The following ZMYND11 variants were observed in gnomAD, a reference collection of about 807,000 sequenced individuals.
The protein encoded by ZMYND11 is zinc finger MYND-type containing 11, also known as zinc finger MYND domain-containing protein 11.
A neutral mutation model predicts 84.9 loss-of-function variants in ZMYND11; 9 were observed. The ratio of observed to expected loss-of-function variants is 0.11; its 90% CI spans 0.06 to 0.18. The LOEUF (loss-of-function observed/expected upper bound fraction) is 0.18, where lower values mean the gene tolerates loss of function less well. Ranked by LOEUF, ZMYND11 falls within the 10% of genes least tolerant of loss-of-function variation. The pLI, the probability that ZMYND11 is intolerant of heterozygous loss-of-function variation, is 1.00. For synonymous variants in ZMYND11, 250 were observed against 244.1 expected (o/e 1.02, Z -0.23); for missense variants, 409 against 761.0 (o/e 0.54, Z 5.44).
At chr10:161,777 G>A (rs984954053) in intron 1 of ZMYND11, among the ~76,000 whole-genome samples, 1 of 152,138 alleles carries the variant, frequency 6.6e-6, no homozygotes, top group Non-Finnish European at 1.5e-5. Flanking sequence ...AAGAGAGTTA[G>A]GTCCTTGTTC....
chr10:160,467 G>C (rs560186130), intron 1 of ZMYND11, among the ~76,000 whole-genome samples: 2 of 152,246 alleles, frequency 1.3e-5, no homozygotes, highest in South Asian at 4.1e-4. Context: ...GTCTGTGGCA[G>C]TTCCTTAAAA....
intron 1 of ZMYND11, among the ~76,000 whole-genome samples, chr10:158,139 G>A (rs1842117540): frequency 6.6e-6 from 1 of 152,018 alleles, no homozygotes; most frequent in South Asian, 2.1e-4. Flanking sequence ...TGGACATTTG[G>A]GTTTTTTCCA....
At chr10:133,749 T>C (rs1254843106), upstream of ZMYND11, among the ~76,000 whole-genome samples, 1 of 152,222 alleles carries the variant, frequency 6.6e-6, no homozygotes, top group Non-Finnish European at 1.5e-5. Flanking sequence ...CTTGCTTTTC[T>C]TCTGACACGT....
intron 10 of ZMYND11, among the ~76,000 whole-genome samples, chr10:245,752 A>C (rs1165552188): frequency 6.6e-6 from 1 of 152,234 alleles, no homozygotes; most frequent in Non-Finnish European, 1.5e-5. Flanking sequence ...ATAGCACCCT[A>C]GAGTACCTTT....
At chr10:198,198 G>A (rs1942266086) in intron 2 of ZMYND11, among the ~76,000 whole-genome samples, 1 of 152,052 alleles carries the variant, frequency 6.6e-6, no homozygotes, top group Non-Finnish European at 1.5e-5. Context: ...CAGTAAAAAT[G>A]TTATTTTCCC....
chr10:157,750 A>G (rs1430352661), intron 1 of ZMYND11, among the ~76,000 whole-genome samples: 1 of 152,188 alleles, frequency 6.6e-6, no homozygotes, highest in African/African-American at 2.4e-5. Context: ...TGACTTTTAG[A>G]AAAAGTATAC....
At chr10:197,147 T>C (rs1220697089) in intron 2 of ZMYND11, among the ~76,000 whole-genome samples, 1 of 151,106 alleles carries the variant, frequency 6.6e-6, no homozygotes, top group Non-Finnish European at 1.5e-5. Context: ...TGTATTCATG[T>C]ATGTGTATCA....
At chr10:183,646 T>C (rs1337641658) in intron 2 of ZMYND11, among the ~76,000 whole-genome samples, 1 of 152,262 alleles carries the variant, frequency 6.6e-6, no homozygotes, top group East Asian at 1.9e-4. Context: ...ATTCTCTTTA[T>C]GTATTTAGCA....
chr10:221,987 G>A (rs771213595), intron 4 of ZMYND11, among the ~76,000 whole-genome samples: 4 of 152,062 alleles, frequency 2.6e-5, no homozygotes, highest in Non-Finnish European at 5.9e-5. Flanking sequence ...GTGATTGTTA[G>A]TTGCAGAATG....
chr10:134,128 C>T (rs1185533180), upstream of ZMYND11, among the ~76,000 whole-genome samples: 1 of 152,086 alleles, frequency 6.6e-6, no homozygotes, highest in African/African-American at 2.4e-5. Context: ...ACGTTTTCTC[C>T]TATACACACC....
intron 2 of ZMYND11, among the ~76,000 whole-genome samples, chr10:182,994 G>A (rs1298410852): frequency 6.6e-6 from 1 of 152,172 alleles, no homozygotes; most frequent in Non-Finnish European, 1.5e-5. Flanking sequence ...TAGGGTTACT[G>A]TCAAGAATGC....
chr10:143,342 A>G (rs1266362408), intron 1 of ZMYND11, among the ~76,000 whole-genome samples: 1 of 152,072 alleles, frequency 6.6e-6, no homozygotes, highest in African/African-American at 2.4e-5. Flanking sequence ...GCTATTATGA[A>G]TTTTTTAGTT....
At chr10:136,963 A>G (rs1836243143) in intron 1 of ZMYND11, among the ~76,000 whole-genome samples, 2 of 152,148 alleles carry the variant, frequency 1.3e-5, no homozygotes, top group South Asian at 4.1e-4. Context: ...CAGTGTATAT[A>G]CACTACCTGG....
Position 252,607 on chromosome 10 carries a change from G to A in ZMYND11, c.*137G>A. ...TAAACACTTTTCGTGAAGAAATTTT[G>A]CACAGTAGTTTAAATCTTTTGTTAA... On this transcript the variant is annotated 3_prime_UTR_variant, in exon 15 of 15. Coordinates refer to ENST00000381604, the MANE Select transcript of ZMYND11 (RefSeq NM_001370100.5). This position sits in a 1 kb window ranked among gnomAD's most constrained non-coding sequence, Gnocchi z 4.6. 3 of 1,282,092 alleles carry A rather than the reference G, an allele frequency of 2.3e-6. No homozygotes were observed. The highest frequency in any genetic ancestry group is 3.1e-6 in the Non-Finnish European group (3 of 969,780). 79.4% of individuals were successfully genotyped at this position (1,282,092 alleles called of 1,614,324 possible). A position where few individuals can be genotyped will look rare whatever the true frequency, so the allele number is the denominator to read the frequency against.
chr10:144,588 G>A (rs1838269592), intron 1 of ZMYND11, among the ~76,000 whole-genome samples: 2 of 150,132 alleles, frequency 1.3e-5, no homozygotes, highest in South Asian at 4.2e-4. Flanking sequence ...TAGGAACCAG[G>A]AGTAATTTAG....
chr10:240,084 G>GATGCTATATAAAGACACATGT lies in ZMYND11; in HGVS notation c.727_747dup (p.Met243_Cys249dup). ...ACAGTGAGCAAGCTGACATTGCGAGGATGCTATATAAAGACACATGTCATG... is the reference window on the plus strand; with the variant it reads ...ACAGTGAGCAAGCTGACATTGCGAGGATGCTATATAAAGACACATGTATGCTATATAAAGACACATGTCATG... On this transcript the variant is annotated inframe_insertion, in exon 8 of 15. Transcript: ENST00000381604. 6.2e-7 allele frequency: 1 copy of GATGCTATATAAAGACACATGT among 1,611,516 alleles called. No homozygotes were observed. The highest frequency in any genetic ancestry group is 8.5e-7 in the Non-Finnish European group (1 of 1,178,704).
At position 254,426 on chromosome 10, in the gene ZMYND11, T is replaced by C. The variant is rs527469840; in HGVS notation, c.*1956T>C. ...GTAAAAGTTTTAGGTAAAATTACAA[T>C]TGATTGTTTTAGGAATCATTATTAA... On this transcript the variant is annotated 3_prime_UTR_variant, in exon 15 of 15. Transcript: ENST00000381604. 2.0e-5 allele frequency: 3 copies of C among 152,772 alleles called. No individual in the cohort carries two copies. The East Asian group carries it at 5.8e-4, about 29-fold the overall frequency. The allele number at this position is 152,772 out of a possible 1,614,324, so 9.5% of individuals were successfully genotyped here. A position where few individuals can be genotyped will look rare whatever the true frequency, so the allele number is the denominator to read the frequency against.
At chr10:239,607 T>G in intron 7 of ZMYND11, 82 bp downstream of exon 7, 1 of 996,924 alleles carries the variant, frequency 1.0e-6, no homozygotes, top group East Asian at 2.4e-5. Flanking sequence ...TTATAAAACA[T>G]TACTTTCAAA....
chr10:199,803 T>TA (rs1942693295), intron 2 of ZMYND11, among the ~76,000 whole-genome samples: 2 of 147,758 alleles, frequency 1.4e-5, no homozygotes, highest in South Asian at 2.2e-4. Context: ...TACTTTAACT[T>TA]ATTTTACTAG....
Sources: allele counts gnomAD v4.1 joint callset (sites outside exome capture counted in the v4.1 genomes callset), GRCh38; gene constraint gnomAD v4.1.1; non-coding constraint Gnocchi (gnomAD v3.1); transcripts MANE v1.5; gene names NCBI Gene and HGNC (gene_info 2026-07-23, HGNC 2026-07-21).